LY9: variants seen among roughly 807,000 people sequenced by gnomAD.
The protein encoded by LY9 is lymphocyte antigen 9.
In LY9, 59 loss-of-function variants were observed where a neutral mutation model predicts 64.6. That is an observed-to-expected ratio of 0.91 (90% CI 0.74 to 1.13). LY9 has a LOEUF of 1.13. LY9 is among the 50% of genes most tolerant of loss of function. The pLI is 0.00. For synonymous variants in LY9, 281 were observed against 308.5 expected, an observed-to-expected ratio of 0.91 and a Z score of 0.93; for missense variants, 789 against 797.2, an observed-to-expected ratio of 0.99 and a Z score of 0.12.
At chr1:160,817,361 A>T (rs957267821) in intron 5 of LY9, among the ~76,000 whole-genome samples, 38 of 152,240 alleles carry the variant, frequency 2.5e-4, no homozygotes, top group African/African-American at 9.2e-4. Flanking sequence ...AGCCATTTTT[A>T]AATTTAAACT....
chr1:160,804,820 G>A (rs1041939474), intron 2 of LY9, among the ~76,000 whole-genome samples: 2 of 152,070 alleles, frequency 1.3e-5, no homozygotes, highest in African/African-American at 2.4e-5. Flanking sequence ...GTCTTGGTAG[G>A]TTGTATGTTT....
At chr1:160,810,277 C>A (rs1667366037) in intron 2 of LY9, 1 of 152,208 alleles carries the variant, frequency 6.6e-6, no homozygotes, top group African/African-American at 2.4e-5. Flanking sequence ...GATGCCATAA[C>A]AGAATATCCC....
In LY9 at chr1:160,817,132, T is replaced by C. The variant is rs1354299522; in HGVS notation, c.1342+269T>C. Among the ~76,000 whole-genome samples, 2 of 152,220 alleles carry C rather than the reference T, an allele frequency of 1.3e-5. 1 individual carries two copies. Among genetic ancestry groups the C allele is most frequent in the Non-Finnish European group, 2.9e-5 (2 of 68,038 alleles). On this transcript the variant is annotated intron_variant, in intron 5 of 9. Transcript: ENST00000263285. Reference sequence around the variant, plus strand: ...ATATCATTATTCAACGTGTATTCAATACAAAAAAATTCATTAGACACTACA... The same window carrying C: ...ATATCATTATTCAACGTGTATTCAACACAAAAAAATTCATTAGACACTACA...
Position 160,816,925 on chromosome 1 carries a change from C to T in LY9, c.1342+62C>T, listed in dbSNP as rs551479859. 1.9e-5 allele frequency: 29 copies of T among 1,543,438 alleles called. No individual in the cohort carries two copies. In the East Asian group the frequency reaches 6.5e-4, roughly 35 times the overall value. On this transcript the variant is annotated intron_variant, in intron 5 of 9. Coordinates refer to ENST00000263285, the MANE Select transcript of LY9 (RefSeq NM_002348.4). ...CTTGGGGCCTCCAAGAGTTTGCATC[C>T]TGACTGATTCTTTATGAAGTGCAGT...
In LY9 at chr1:160,813,849, C is replaced by T. The variant is rs752077336; in HGVS notation, c.668C>T (p.Thr223Ile). 6.2e-7 allele frequency: 1 copy of T among 1,614,212 alleles called. No homozygotes were observed. Among genetic ancestry groups the T allele is most frequent in the South Asian group, 1.1e-5 (1 of 91,086 alleles). ...PCDPDLPYIC[T>I]AQNPVSQRSS... ...GACCCAGACCTGCCATACATCTGCACAGCCCAGAACCCCGTCAGCCAGAGA... is the reference window on the plus strand; with the variant it reads ...GACCCAGACCTGCCATACATCTGCATAGCCCAGAACCCCGTCAGCCAGAGA... The change falls in exon 3 of 10, where the codon ACA (threonine) becomes ATA (isoleucine). Residue 223 changes from threonine (T) to isoleucine (I), a missense_variant. Coordinates refer to ENST00000263285, the MANE Select transcript of LY9 (RefSeq NM_002348.4).
chr1:160,823,179 C>T (rs1184079664), intron 7 of LY9, among the ~76,000 whole-genome samples: 1 of 152,220 alleles, frequency 6.6e-6, no homozygotes, highest in Non-Finnish European at 1.5e-5. Context: ...CCCCAGAGTA[C>T]CTGCAATGAT....
intron 7 of LY9, among the ~76,000 whole-genome samples, chr1:160,819,760 C>T (rs1257452596): frequency 7.2e-6 from 1 of 138,380 alleles, no homozygotes; most frequent in African/African-American, 2.7e-5. Context: ...CACTGCACTA[C>T]AGTCTGGGCA....
intron 3 of LY9, 106 bp from the exon 4 acceptor site, chr1:160,814,314 G>A (rs1667762831): frequency 4.8e-6 from 4 of 827,570 alleles, no homozygotes; most frequent in Non-Finnish European, 7.9e-6. Context: ...AGGAGAAAGA[G>A]GAAGAGGAGG....
chr1:160,814,636 C>G lies in LY9; in HGVS notation c.947C>G (p.Ser316Cys). The G allele has an allele frequency of 6.2e-7, 1 of 1,614,146 alleles. No homozygotes were observed. Among genetic ancestry groups the G allele is most frequent in the Non-Finnish European group, 8.5e-7 (1 of 1,180,022 alleles). ...CCTTACAAGAACAGGGTGTGGGTCT[C>G]CAGCCAGGACTGCTCCCTGAAGATC... is the stretch of plus-strand genomic sequence containing the variant. ...RDPYKNRVWV[S>C]SQDCSLKISQ... is the part of the protein sequence containing the mutation. Residue 316 changes from serine to cysteine, a missense_variant, in exon 4 of 10, where the codon TCC becomes TGC. Physicochemically the swap from Ser to Cys is moderately radical, Grantham distance 112. Coordinates refer to ENST00000263285, the MANE Select transcript of LY9 (RefSeq NM_002348.4).
At chr1:160,825,934 T>A (rs1034876090) in intron 9 of LY9, among the ~76,000 whole-genome samples, 1 of 151,952 alleles carries the variant, frequency 6.6e-6, no homozygotes, top group African/African-American at 2.4e-5. Context: ...AGACTACAGT[T>A]GACCCTTGAA....
intron 1 of LY9, chr1:160,797,019 A>T: frequency 1.7e-6 from 1 of 589,280 alleles, no homozygotes; most frequent in Non-Finnish European, 2.1e-6. Flanking sequence ...CTGAGGTTTC[A>T]CTGGGGACCT....
At chr1:160,814,024 C>T in intron 3 of LY9, 113 bp downstream of exon 3, 2 of 1,175,484 alleles carry the variant, frequency 1.7e-6, no homozygotes, top group Non-Finnish European at 1.2e-6. Flanking sequence ...AGCAAGAGGA[C>T]AGGCCCCAAA....
At chr1:160,808,016 A>C (rs533707733) in intron 2 of LY9, among the ~76,000 whole-genome samples, 5 of 152,236 alleles carry the variant, frequency 3.3e-5, no homozygotes, top group African/African-American at 1.2e-4. Flanking sequence ...AGGCCCTGCC[A>C]CTGGAGAAGG....
intron 7 of LY9, among the ~76,000 whole-genome samples, chr1:160,819,839 G>GGAAA (rs1668259571): frequency 1.0e-5 from 1 of 99,464 alleles, no homozygotes; most frequent in East Asian, 2.9e-4. Context: ...GAGAAAGAAA[G>GGAAA]GAAGGAAGGA....
chr1:160,804,929 C>A (rs1666833999), intron 2 of LY9, among the ~76,000 whole-genome samples: 1 of 151,850 alleles, frequency 6.6e-6, no homozygotes, highest in African/African-American at 2.4e-5. Context: ...CTTTTGTATT[C>A]CTGTAATGTC....
intron 2 of LY9, chr1:160,812,314 C>T (rs971401094): frequency 2.6e-5 from 4 of 152,248 alleles, no homozygotes; most frequent in African/African-American, 4.8e-5. Flanking sequence ...TTACTTCTAT[C>T]TCCAAATATA....
At chr1:160,821,999 A>T (rs908549396) in intron 7 of LY9, among the ~76,000 whole-genome samples, 5 of 152,222 alleles carry the variant, frequency 3.3e-5, no homozygotes, top group Admixed American at 2.0e-4. Flanking sequence ...TTTTAGGCAG[A>T]CTAAATAAAC....
chr1:160,802,902 G>A (rs980930220), intron 2 of LY9, among the ~76,000 whole-genome samples: 1 of 152,154 alleles, frequency 6.6e-6, no homozygotes, highest in Non-Finnish European at 1.5e-5. Context: ...CTGAAGTCGA[G>A]TAATGTGATG....
chr1:160,800,236 G>A (rs990409857), intron 2 of LY9, 154 bp downstream of exon 2: 3 of 609,044 alleles, frequency 4.9e-6, no homozygotes, highest in Middle Eastern at 4.0e-4. Context: ...ATATATTCCT[G>A]TTAAGTATAG....
Sources: gnomAD v4.1 joint callset for allele counts (sites outside exome capture counted in the v4.1 genomes callset) on GRCh38, gnomAD v4.1.1 for gene constraint, MANE v1.5 for transcripts, NCBI Gene and HGNC (gene_info 2026-07-23, HGNC 2026-07-21) for gene names.